AFF3: variants seen among roughly 807,000 people sequenced by gnomAD.
The protein encoded by AFF3 is ALF transcription elongation factor 3, also known as AF4/FMR2 family member 3.
Under a neutral mutation model 129.7 loss-of-function variants are expected in AFF3, and 32 were observed. The ratio of observed to expected loss-of-function variants is 0.25; its 90% CI spans 0.19 to 0.33. AFF3 has a LOEUF of 0.33. Among genes scored for constraint, AFF3 ranks in the 10% least tolerant of loss-of-function variants. The pLI is 1.00. For synonymous variants in AFF3, 644 were observed against 635.4 expected (o/e 1.01, Z -0.20); for missense variants, 1,373 against 1,592.0 (o/e 0.86, Z 2.34).
At chr2:99,762,926 C>A (rs1450781453) in intron 8 of AFF3, among the ~76,000 whole-genome samples, 1 of 152,234 alleles carries the variant, frequency 6.6e-6, no homozygotes, top group East Asian at 1.9e-4. Flanking sequence ...CAGTTCTTCT[C>A]ACACGTATTA....
chr2:100,040,731 C>G (rs1391673462), intron 4 of AFF3, among the ~76,000 whole-genome samples: 1 of 152,212 alleles, frequency 6.6e-6, no homozygotes, highest in Non-Finnish European at 1.5e-5. Context: ...TGGACCATCA[C>G]AAGTGAAAGC....
chr2:99,693,554 G>A (rs1301626972), intron 11 of AFF3, among the ~76,000 whole-genome samples: 1 of 152,040 alleles, frequency 6.6e-6, no homozygotes, highest in African/African-American at 2.4e-5. Flanking sequence ...AAGAGTTGAT[G>A]AGTATTAATA....
intron 11 of AFF3, among the ~76,000 whole-genome samples, chr2:99,701,993 G>A (rs1312534029): frequency 3.9e-5 from 6 of 152,188 alleles, no homozygotes; most frequent in Non-Finnish European, 8.8e-5. Flanking sequence ...TGTATTAACC[G>A]TTCATTCCTT....
chr2:99,771,205 C>T (rs926440210), intron 8 of AFF3, among the ~76,000 whole-genome samples: 2 of 151,984 alleles, frequency 1.3e-5, no homozygotes, highest in African/African-American at 4.8e-5. Context: ...GGGAGTTGAA[C>T]AATGAGAACA....
chr2:99,743,466 C>T (rs778203661), intron 10 of AFF3, among the ~76,000 whole-genome samples: 3 of 152,164 alleles, frequency 2.0e-5, no homozygotes, highest in East Asian at 3.8e-4. Context: ...TTTTAGGACA[C>T]GAGCAGGGTA....
At chr2:99,577,262 C>T (rs1047571980) in intron 18 of AFF3, among the ~76,000 whole-genome samples, 2 of 152,040 alleles carry the variant, frequency 1.3e-5, no homozygotes, top group African/African-American at 2.4e-5. Flanking sequence ...TAGATCATGC[C>T]GAGACTCCGG....
chr2:99,989,657 A>T (rs1241111868), intron 7 of AFF3, among the ~76,000 whole-genome samples: 3 of 152,300 alleles, frequency 2.0e-5, no homozygotes, highest in African/African-American at 2.4e-5. Flanking sequence ...TGATTTTTTT[A>T]AAAAAAGAAA....
chr2:99,555,232 ATTTTTCTT>A (rs1339131455), intron 22 of AFF3, among the ~76,000 whole-genome samples: 1 of 152,124 alleles, frequency 6.6e-6, no homozygotes, highest in African/African-American at 2.4e-5. Context: ...TTGTAAATTA[ATTTTTCTT>A]AAAAGGAAAA....
intron 13 of AFF3, among the ~76,000 whole-genome samples, chr2:99,608,904 G>GT (rs1680638209): frequency 6.6e-6 from 1 of 152,186 alleles, no homozygotes; most frequent in Admixed American, 6.5e-5. Flanking sequence ...GAAGAGGCCT[G>GT]TGGGGCACCA....
chr2:99,867,000 T>TAAA (rs71376497), intron 7 of AFF3, among the ~76,000 whole-genome samples: 1 of 119,002 alleles, frequency 8.4e-6, no homozygotes, highest in Non-Finnish European at 1.7e-5. Flanking sequence ...ATAATAATAA[T>TAAA]AAAAAATAAA....
chr2:99,616,513 G>A (rs978981867), intron 13 of AFF3, among the ~76,000 whole-genome samples: 1 of 151,936 alleles, frequency 6.6e-6, no homozygotes, highest in African/African-American at 2.4e-5. Flanking sequence ...CAGCACTTTG[G>A]GAGGCTGAGG....
intron 7 of AFF3, among the ~76,000 whole-genome samples, chr2:99,840,928 CTT>C (rs1689272863): frequency 6.6e-6 from 1 of 152,326 alleles, no homozygotes; most frequent in South Asian, 2.1e-4. Flanking sequence ...AATCATGACT[CTT>C]ATCCTACTTC....
chr2:99,616,616 TGTG>T (rs1681460263), intron 13 of AFF3, among the ~76,000 whole-genome samples: 1 of 152,004 alleles, frequency 6.6e-6, no homozygotes, highest in African/African-American at 2.4e-5. Context: ...ATTAGCTGGG[TGTG>T]GTGGTGTGCA....
At chr2:100,020,175 G>A (rs2104859770) in intron 4 of AFF3, among the ~76,000 whole-genome samples, 1 of 151,726 alleles carries the variant, frequency 6.6e-6, no homozygotes, top group East Asian at 1.9e-4. Flanking sequence ...GGCAATCCGT[G>A]GATGCTTTTC....
intron 2 of AFF3, among the ~76,000 whole-genome samples, chr2:100,125,980 CTT>C (rs1343962417): frequency 6.6e-6 from 1 of 152,194 alleles, no homozygotes; most frequent in Non-Finnish European, 1.5e-5. Context: ...GCATTCTGTT[CTT>C]AACTGATCAG....
chr2:99,774,905 AT>A (rs1305710151), intron 8 of AFF3, among the ~76,000 whole-genome samples: 1 of 152,192 alleles, frequency 6.6e-6, no homozygotes, highest in Non-Finnish European at 1.5e-5. Context: ...AAGAAAAAAA[AT>A]AAACCGCTCC....
intron 7 of AFF3, among the ~76,000 whole-genome samples, chr2:100,002,005 G>A (rs1472606397): frequency 6.6e-6 from 1 of 152,210 alleles, no homozygotes; most frequent in Non-Finnish European, 1.5e-5. Context: ...GCTATGCCAC[G>A]CTGTCCTGAG....
chr2:100,090,824 C>T (rs2105408985), intron 4 of AFF3, among the ~76,000 whole-genome samples: 1 of 152,140 alleles, frequency 6.6e-6, no homozygotes, highest in Non-Finnish European at 1.5e-5. Flanking sequence ...TTACAGGCGT[C>T]CACCACCACG....
intron 13 of AFF3, among the ~76,000 whole-genome samples, chr2:99,648,885 GCACACACA>G (rs1185084808): frequency 2.1e-5 from 2 of 93,828 alleles, no homozygotes; most frequent in African/African-American, 7.8e-5. Flanking sequence ...AAACACGCGC[GCACACACA>G]CACACACACA....
Sources: gnomAD v4.1 joint callset for allele counts (sites outside exome capture counted in the v4.1 genomes callset) on GRCh38, gnomAD v4.1.1 for gene constraint, MANE v1.5 for transcripts, NCBI Gene and HGNC (gene_info 2026-07-23, HGNC 2026-07-21) for gene names.